The following MTCH1 variants were observed in gnomAD, a reference collection of about 807,000 sequenced individuals.
MTCH1 encodes mitochondrial carrier 1, also known as mitochondrial carrier homolog 1.
A neutral mutation model predicts 49.3 loss-of-function variants in MTCH1; 23 were observed. That is an observed-to-expected ratio of 0.47 (90% CI 0.34 to 0.66). The LOEUF is 0.66. Among genes scored for constraint, MTCH1 ranks in the 30% least tolerant of loss-of-function variants. The pLI, the probability that MTCH1 is intolerant of heterozygous loss-of-function variation, is 0.01. For synonymous variants in MTCH1, 229 were observed against 215.2 expected, an observed-to-expected ratio of 1.06 and a Z score of -0.56; for missense variants, 397 against 532.1, an observed-to-expected ratio of 0.75 and a Z score of 2.50.
In MTCH1 at chr6:36,969,101, C is replaced by G. The variant is rs922700572; in HGVS notation, c.1099-127G>C. 4 of 1,454,440 alleles carry G rather than the reference C, an allele frequency of 2.8e-6. No homozygotes were observed. The African/African-American group carries it at 5.7e-5, about 21-fold the overall frequency. 90.1% of individuals were successfully genotyped at this position (1,454,440 alleles called of 1,614,324 possible). A position where few individuals can be genotyped will look rare whatever the true frequency, so the allele number is the denominator to read the frequency against. ...AAGACCCAGCTCCGGGGTGGACGGC[C>G]TCGGCCTACATCCCTGGAGGGCAGA... On this transcript the variant is annotated intron_variant, in intron 11 of 11. Coordinates refer to ENST00000373627, the MANE Select transcript of MTCH1 (RefSeq NM_001271641.2).
intron 6 of MTCH1, chr6:36,976,458 G>A (rs1763882884): frequency 2.2e-6 from 1 of 464,196 alleles, no homozygotes. Context: ...ACTCAGAACA[G>A]TGGTGGCCAG....
intron 7 of MTCH1, among the ~76,000 whole-genome samples, chr6:36,974,173 T>G (rs1763780881): frequency 6.6e-6 from 1 of 152,146 alleles, no homozygotes; most frequent in Non-Finnish European, 1.5e-5. Context: ...TTTCTCAACC[T>G]TGGCACTATT....
rs140854584 is a variant in MTCH1, at chr6:36,984,643, C to T, written c.321+1210G>A. ...TAACTGGAAAATTCTGGCCTAATGACCCCCATCAAAACTGTACCCATCCCA... is the reference window on the plus strand; with the variant it reads ...TAACTGGAAAATTCTGGCCTAATGATCCCCATCAAAACTGTACCCATCCCA... On this transcript the variant is annotated intron_variant, in intron 1 of 11. Coordinates refer to ENST00000373627, the MANE Select transcript of MTCH1 (RefSeq NM_001271641.2). Among the ~76,000 whole-genome samples, 453 of 152,074 alleles carry T rather than the reference C, an allele frequency of 3.0e-3. 7 individuals carry two copies. The highest frequency in any genetic ancestry group is 0.021 in the Admixed American group (318 of 15,270).
chr6:36,970,111 C>G lies in MTCH1; in HGVS notation c.1026G>C (p.Leu342=). 6.2e-7 allele frequency: 1 copy of G among 1,613,828 alleles called. No individual in the cohort carries two copies. Among genetic ancestry groups the G allele is most frequent in the Admixed American group, 1.7e-5 (1 of 60,022 alleles). The change falls in exon 11 of 12, where the codon CTG becomes CTC. Residue 342 remains leucine, a synonymous_variant. Transcript: ENST00000373627. Reference sequence around the variant, plus strand: ...GGGAGTAAGGGGGGAGCCCAGCTTGCAGCCTGCCGGAGAAGGAGAGTGTAG... The same window carrying G: ...GGGAGTAAGGGGGGAGCCCAGCTTGGAGCCTGCCGGAGAAGGAGAGTGTAG... ...GDLMAVNNCG[L]QAGLPPYSPV...
In MTCH1 at chr6:36,978,166, G is replaced by A. The variant is rs773926681; in HGVS notation, c.514-11C>T. ...ATCTGGAGGGAAAACCTGAAACAGA[G>A]AAGGGAAAGAACCAAGTTCAGCTAC... On this transcript the variant is annotated splice_polypyrimidine_tract_variant and intron_variant, in intron 3 of 11. Transcript: ENST00000373627. 1 of 1,603,802 alleles carries A rather than the reference G, an allele frequency of 6.2e-7. No homozygotes were observed. Among genetic ancestry groups the A allele is most frequent in the East Asian group, 2.2e-5 (1 of 44,838 alleles).
chr6:36,969,636 C>T, intron 11 of MTCH1: 1 of 1,188,894 alleles, frequency 8.4e-7, no homozygotes. Flanking sequence ...AGTCGGTTTC[C>T]AATGCCAGCC....
At chr6:36,968,996 GGTGA>G (rs1763577006) in intron 11 of MTCH1, 22 bp from the exon 12 acceptor site, 1 of 1,613,070 alleles carries the variant, frequency 6.2e-7, no homozygotes, top group African/African-American at 1.3e-5. Context: ...GGAAAAGTAA[GGTGA>G]GTGAAAGGGA....
chr6:36,968,955 G>T lies in MTCH1; in HGVS notation c.1118C>A (p.Ser373Tyr), dbSNP rs1238482176. The T allele has an allele frequency of 6.2e-7, 1 of 1,614,126 alleles. No individual in the cohort carries two copies. Among genetic ancestry groups the T allele is most frequent in the Non-Finnish European group, 8.5e-7 (1 of 1,179,990 alleles). ...TGACACCCGGCGGAAAAGCAGGCTG[G>T]AGCCTCGGAAGAGCTGGCCCTGGAC... ...LSVQGQLFRG[S>Y]SLLFRRVSSG... Residue 373 changes from serine to tyrosine, a missense_variant, in exon 12 of 12, where the codon TCC becomes TAC. Around this residue, in one of 2 missense-constraint regions of MTCH1, gnomAD observed 252 missense variants for 388.3 expected, o/e 0.65. Coordinates refer to ENST00000373627, the MANE Select transcript of MTCH1 (RefSeq NM_001271641.2).
Position 36,986,089 on chromosome 6 carries a change from G to C in MTCH1, c.85C>G (p.Arg29Gly), listed in dbSNP as rs1412335683. ...TCGACCCCCGCCGCCGCTCCGCCGC[G>C]AGCTCCGGCTCCAGCTCCGGCTCCC... Reference protein sequence around the residue: ...MAGAGAGAGARGGAAAGVEAR... With the variant: ...MAGAGAGAGAGGGAAAGVEAR... The change falls in exon 1 of 12, where the codon CGC (arginine) becomes GGC (glycine). Residue 29 changes from arginine to glycine, a missense_variant. This residue lies in a region of MTCH1 where 145 missense variants were observed against 143.8 expected (regional missense o/e 1.01). Transcript: ENST00000373627. 2 of 1,433,150 alleles carry C rather than the reference G, an allele frequency of 1.4e-6. No homozygotes were observed. The highest frequency in any genetic ancestry group is 1.8e-6 in the Non-Finnish European group (2 of 1,105,078). The allele number at this position is 1,433,150 out of a possible 1,614,324, so 88.8% of individuals were successfully genotyped here.
At position 36,977,625 on chromosome 6, in the gene MTCH1, G is replaced by A. The variant is rs751535147; in HGVS notation, c.649+9C>T. 43 of 1,592,392 alleles carry A rather than the reference G, an allele frequency of 2.7e-5. No individual in the cohort carries two copies. Among genetic ancestry groups the A allele is most frequent in the Non-Finnish European group, 3.6e-5 (42 of 1,163,850 alleles). The stretch of plus-strand genomic sequence containing the variant: ...TAGATACAGTCTCGGGGGAAGGGGG[G>A]TGGCTTACCATGCAGGGGGTGGGCC... On this transcript the variant is annotated intron_variant, in intron 5 of 11. Transcript: ENST00000373627. The surrounding 1 kb of genome is among the most constrained non-coding windows in gnomAD (Gnocchi z 5.4).
At chr6:36,981,278 G>A (rs974194188) in intron 2 of MTCH1, among the ~76,000 whole-genome samples, 5 of 152,166 alleles carry the variant, frequency 3.3e-5, no homozygotes, top group African/African-American at 4.8e-5. Context: ...GGCACAACCC[G>A]GGGCAGCAGA....
chr6:36,969,899 T>C lies in MTCH1; in HGVS notation c.1098+140A>G, dbSNP rs74577061. 1,084 of 1,548,238 alleles carry C rather than the reference T, an allele frequency of 7.0e-4. 2 individuals carry two copies. The African/African-American group carries it at 0.013, about 19-fold the overall frequency. On this transcript the variant is annotated intron_variant, in intron 11 of 11. Transcript: ENST00000373627. ...GTAAGATGAAAACTTAAATGCCTTA[T>C]AGATACCAAGTATCTCCTCACAATA...
At position 36,986,078 on chromosome 6, in the gene MTCH1, CGCTCCGCCGCGA is replaced by C; in HGVS notation, c.84_95del (p.Arg29_Ala32del). ...GAGCTCGAGCCTCGACCCCCGCCGCCGCTCCGCCGCGAGCTCCGGCTCCAGCTCCGGCTCCCG... is the reference window on the plus strand; with the variant it reads ...GAGCTCGAGCCTCGACCCCCGCCGCCGCTCCGGCTCCAGCTCCGGCTCCCG... On this transcript the variant is annotated inframe_deletion, in exon 1 of 12. Transcript: ENST00000373627. 2.8e-6 allele frequency: 4 copies of C among 1,430,878 alleles called. No individual in the cohort carries two copies. Among genetic ancestry groups the C allele is most frequent in the Non-Finnish European group, 2.7e-6 (3 of 1,103,708 alleles). 88.6% of individuals were successfully genotyped at this position (1,430,878 alleles called of 1,614,324 possible). A position where few individuals can be genotyped will look rare whatever the true frequency, so the allele number is the denominator to read the frequency against.
intron 7 of MTCH1, among the ~76,000 whole-genome samples, chr6:36,974,324 C>T (rs1763786690): frequency 1.3e-5 from 2 of 152,124 alleles, no homozygotes; most frequent in African/African-American, 2.4e-5. Context: ...CCTCAGCCTC[C>T]CGGGTAGCTA....
rs1763926564 is a variant in MTCH1 at position 36,977,513 on chromosome 6, C to T, written c.649+121G>A. 2 of 745,248 alleles carry T rather than the reference C, an allele frequency of 2.7e-6. No individual in the cohort carries two copies. Among genetic ancestry groups the T allele is most frequent in the Non-Finnish European group, 4.5e-6 (2 of 441,760 alleles). 46.2% of individuals were successfully genotyped at this position (745,248 alleles called of 1,614,324 possible). On this transcript the variant is annotated intron_variant, in intron 5 of 11. Coordinates refer to ENST00000373627, the MANE Select transcript of MTCH1 (RefSeq NM_001271641.2). This position sits in a 1 kb window ranked among gnomAD's most constrained non-coding sequence, Gnocchi z 5.4. ...GTGGGTTCCAGTAGAATACCCCCAA[C>T]CCCACTACCACTTCCCAACAGGTCT...
chr6:36,972,705 T>C lies in MTCH1; in HGVS notation c.853A>G (p.Ser285Gly). ...HFINAYLVDD[S>G]VSDTPGGLGN... ...AGCCCCCCTGGGGTGTCACTCACGCTGTCATCCACCAGGTAGGCATTGATG... is the reference window on the plus strand; with the variant it reads ...AGCCCCCCTGGGGTGTCACTCACGCCGTCATCCACCAGGTAGGCATTGATG... The change falls in exon 8 of 12, where the codon AGC becomes GGC. Residue 285 changes from serine to glycine, a missense_variant. Physicochemically the swap from Ser to Gly is moderately conservative, Grantham distance 56 (BLOSUM62 0). Coordinates refer to ENST00000373627, the MANE Select transcript of MTCH1 (RefSeq NM_001271641.2). This position sits in a 1 kb window ranked among gnomAD's most constrained non-coding sequence, Gnocchi z 4.1. 6.4e-7 allele frequency: 1 copy of C among 1,552,274 alleles called. No individual in the cohort carries two copies. The highest frequency in any genetic ancestry group is 8.7e-7 in the Non-Finnish European group (1 of 1,147,252).
chr6:36,977,770 T>C lies in MTCH1; in HGVS notation c.592-79A>G. On this transcript the variant is annotated intron_variant, in intron 4 of 11. Coordinates refer to ENST00000373627, the MANE Select transcript of MTCH1 (RefSeq NM_001271641.2). This position sits in a 1 kb window ranked among gnomAD's most constrained non-coding sequence, Gnocchi z 5.4. The stretch of plus-strand genomic sequence containing the variant: ...GGCCCTCGAGGGGAGCTACAAGTGC[T>C]CAGGAGGGAGAAACCTGTCCCAGGG... 2.3e-6 allele frequency: 3 copies of C among 1,308,272 alleles called. No individual in the cohort carries two copies. Among genetic ancestry groups the C allele is most frequent in the South Asian group, 2.7e-5 (2 of 75,274 alleles). The allele number at this position is 1,308,272 out of a possible 1,614,324, so 81.0% of individuals were successfully genotyped here.
Position 36,977,715 on chromosome 6 carries a change from A to T in MTCH1, c.592-24T>A. ...GTCTGGAAGAGAGCATGGGGTGGGGACTCGCCACCCTCGGCCTGTCTCTGG... is the reference window on the plus strand; with the variant it reads ...GTCTGGAAGAGAGCATGGGGTGGGGTCTCGCCACCCTCGGCCTGTCTCTGG... On this transcript the variant is annotated intron_variant, in intron 4 of 11. Coordinates refer to ENST00000373627, the MANE Select transcript of MTCH1 (RefSeq NM_001271641.2). This position sits in a 1 kb window ranked among gnomAD's most constrained non-coding sequence, Gnocchi z 5.4. The T allele has an allele frequency of 6.3e-7, 1 of 1,593,838 alleles. No homozygotes were observed. The highest frequency in any genetic ancestry group is 8.5e-7 in the Non-Finnish European group (1 of 1,169,708).
upstream of MTCH1, chr6:36,986,294 G>C: frequency 1.0e-6 from 1 of 973,660 alleles, no homozygotes; most frequent in Non-Finnish European, 1.4e-6. Context: ...GCGTGGTGCG[G>C]CGGGTGGGAC....
Sources: allele counts gnomAD v4.1 joint callset (sites outside exome capture counted in the v4.1 genomes callset), GRCh38; gene constraint gnomAD v4.1.1; regional missense constraint gnomAD v4.1.1; non-coding constraint Gnocchi (gnomAD v3.1); transcripts MANE v1.5; gene names NCBI Gene and HGNC (gene_info 2026-07-23, HGNC 2026-07-21).